GRIK2: variants seen among roughly 807,000 people sequenced by gnomAD.
GRIK2 encodes glutamate ionotropic receptor kainate type subunit 2.
GRIK2 carries 32 observed loss-of-function variants against 100.3 expected under a neutral mutation model. The observed-to-expected ratio is 0.32, with a 90% CI of 0.24 to 0.43. The LOEUF is 0.43. Among genes scored for constraint, GRIK2 ranks in the 20% least tolerant of loss-of-function variants. The pLI is 1.00. For missense variants in GRIK2, 843 were observed against 1,114.9 expected, an observed-to-expected ratio of 0.76 and a Z score of 3.47; for synonymous variants, 417 against 389.4, an observed-to-expected ratio of 1.07 and a Z score of -0.83.
At chr6:101,757,928 G>T (rs1047338783) in intron 7 of GRIK2, among the ~76,000 whole-genome samples, 12 of 151,926 alleles carry the variant, frequency 7.9e-5, no homozygotes, top group African/African-American at 2.7e-4. Flanking sequence ...TTTATTTTTG[G>T]CATTAAGAAA....
chr6:102,038,406 G>A (rs923016990), intron 15 of GRIK2, among the ~76,000 whole-genome samples: 6 of 151,378 alleles, frequency 4.0e-5, no homozygotes, highest in African/African-American at 1.2e-4. Flanking sequence ...GGTTTGCATC[G>A]TCTGGATGAG....
intron 2 of GRIK2, among the ~76,000 whole-genome samples, chr6:101,445,149 T>C (rs1387674782): frequency 6.6e-6 from 1 of 152,136 alleles, no homozygotes; most frequent in Admixed American, 6.6e-5. Context: ...TTTTCCTCAA[T>C]AACTTAAGGA....
chr6:101,859,953 G>C (rs1784644215), intron 11 of GRIK2, among the ~76,000 whole-genome samples: 2 of 152,074 alleles, frequency 1.3e-5, no homozygotes, highest in African/African-American at 2.4e-5. Flanking sequence ...GAAGAATCAG[G>C]CCTTTTTTTA....
chr6:101,691,797 T>C (rs1221089540), intron 7 of GRIK2, among the ~76,000 whole-genome samples: 6 of 151,964 alleles, frequency 3.9e-5, no homozygotes, highest in Non-Finnish European at 7.4e-5. Context: ...TATTTGAGTA[T>C]CTTAAAATAA....
chr6:101,454,506 C>T (rs936896669), intron 2 of GRIK2, among the ~76,000 whole-genome samples: 1 of 152,146 alleles, frequency 6.6e-6, no homozygotes, highest in Non-Finnish European at 1.5e-5. Context: ...GGTCTCAAGT[C>T]ACAGGTGCTG....
chr6:101,963,207 T>C (rs1792414991), intron 14 of GRIK2, among the ~76,000 whole-genome samples: 3 of 150,518 alleles, frequency 2.0e-5, no homozygotes, highest in Admixed American at 2.0e-4. Context: ...TTTGTTATTT[T>C]CTTTGTGGTT....
At chr6:101,574,957 C>T (rs1777728139) in intron 2 of GRIK2, among the ~76,000 whole-genome samples, 3 of 151,728 alleles carry the variant, frequency 2.0e-5, no homozygotes, top group Admixed American at 2.0e-4. Flanking sequence ...ATAAATACCT[C>T]TAACAATATT....
chr6:101,468,455 A>G (rs1019931009), intron 2 of GRIK2, among the ~76,000 whole-genome samples: 2 of 152,140 alleles, frequency 1.3e-5, no homozygotes, highest in African/African-American at 4.8e-5. Context: ...TCACTTTGGC[A>G]TGGACCAAAA....
chr6:101,840,473 T>C (rs2791823), intron 10 of GRIK2, among the ~76,000 whole-genome samples: 34,902 of 152,008 alleles, frequency 0.23, 5,327 homozygotes, highest in East Asian at 0.68. Flanking sequence ...ATATCCTGAC[T>C]CCAATTAACC....
chr6:101,713,365 A>G (rs925944319), intron 7 of GRIK2, among the ~76,000 whole-genome samples: 2 of 151,726 alleles, frequency 1.3e-5, no homozygotes, highest in Non-Finnish European at 2.9e-5. Context: ...GTCATCCTGA[A>G]TGCTAATTTT....
chr6:101,813,039 C>T (rs934567542), intron 9 of GRIK2, among the ~76,000 whole-genome samples: 5 of 151,806 alleles, frequency 3.3e-5, no homozygotes, highest in East Asian at 1.9e-4. Context: ...TATACACATC[C>T]GTATATAACA....
In GRIK2 at chr6:101,915,747, T is replaced by G. The variant is rs552558420; in HGVS notation, c.1749-8854T>G. ...GTTACATGACATTATGTTTGATAAT[T>G]GTTTATCGTAGACACATACAATGTT... On this transcript the variant is annotated intron_variant, in intron 12 of 16. Transcript: ENST00000369134. Among the ~76,000 whole-genome samples, 8 of 151,614 alleles carry G rather than the reference T, an allele frequency of 5.3e-5. No individual in the cohort carries two copies. The South Asian group carries it at 1.0e-3, about 20-fold the overall frequency.
intron 7 of GRIK2, among the ~76,000 whole-genome samples, chr6:101,748,386 G>A (rs1177376357): frequency 6.6e-6 from 1 of 151,950 alleles, no homozygotes; most frequent in Non-Finnish European, 1.5e-5. Flanking sequence ...AATCATCCTT[G>A]TTAAATTAAA....
chr6:101,409,195 T>C (rs1775751858), intron 2 of GRIK2, among the ~76,000 whole-genome samples: 1 of 151,842 alleles, frequency 6.6e-6, no homozygotes, highest in South Asian at 2.1e-4. Context: ...GTATATATTC[T>C]GTGTAGAAAT....
At chr6:101,683,391 T>C (rs1771434574) in intron 6 of GRIK2, among the ~76,000 whole-genome samples, 1 of 152,198 alleles carries the variant, frequency 6.6e-6, no homozygotes, top group South Asian at 2.1e-4. Flanking sequence ...CATCAGCAAA[T>C]TGAATGTTAC....
Position 102,016,573 on chromosome 6 carries a change from T to TA in GRIK2, c.2086-18768_2086-18767insA, listed in dbSNP as rs200157813. 8.1e-5 allele frequency among the ~76,000 whole-genome samples: 12 copies of TA among 147,246 alleles called. No individual in the cohort carries two copies. The East Asian group carries it at 1.4e-3, about 17-fold the overall frequency. ...ATAAATAAAAAAATTCAAAAAAAAT[T>TA]TAAAAAAAAATGAAAAGGGCCAAAC... On this transcript the variant is annotated intron_variant, in intron 14 of 16. Coordinates refer to ENST00000369134, the MANE Select transcript of GRIK2 (RefSeq NM_021956.5).
At chr6:101,493,971 A>T (rs1773283384) in intron 2 of GRIK2, among the ~76,000 whole-genome samples, 1 of 128,738 alleles carries the variant, frequency 7.8e-6, no homozygotes, top group Non-Finnish European at 1.7e-5. Context: ...TTTTATATAT[A>T]ATTTATATAT....
intron 2 of GRIK2, among the ~76,000 whole-genome samples, chr6:101,574,112 T>C (rs1380082555): frequency 6.6e-6 from 1 of 151,290 alleles, no homozygotes; most frequent in Non-Finnish European, 1.5e-5. Context: ...TAAAAATATT[T>C]CATGATACAT....
chr6:101,765,588 A>C (rs1224480432), intron 7 of GRIK2, among the ~76,000 whole-genome samples: 1 of 152,172 alleles, frequency 6.6e-6, no homozygotes, highest in African/African-American at 2.4e-5. Context: ...GTTAGTCCCA[A>C]AATTAATCTG....
Sources: allele counts gnomAD v4.1 joint callset (sites outside exome capture counted in the v4.1 genomes callset), GRCh38; gene constraint gnomAD v4.1.1; transcripts MANE v1.5; gene names NCBI Gene and HGNC (gene_info 2026-07-23, HGNC 2026-07-21).